The following ELAPOR2 variants were observed in gnomAD, a reference collection of about 807,000 sequenced individuals.
The protein encoded by ELAPOR2 is endosome-lysosome associated apoptosis and autophagy regulator family member 2.
In ELAPOR2, 89 loss-of-function variants were observed where a neutral mutation model predicts 120.7. The ratio of observed to expected loss-of-function variants is 0.74; its 90% CI spans 0.62 to 0.88. The LOEUF (loss-of-function observed/expected upper bound fraction) is 0.88. ELAPOR2 is among the 40% of genes least tolerant of loss of function. ELAPOR2 has a pLI of 0.00. For missense variants in ELAPOR2, 1,134 were observed against 1,251.6 expected, an observed-to-expected ratio of 0.91 and a Z score of 1.42; for synonymous variants, 444 against 444.9, an observed-to-expected ratio of 1.00 and a Z score of 0.03.
At chr7:86,905,850 T>C (rs1788987966) in intron 18 of ELAPOR2, among the ~76,000 whole-genome samples, 1 of 152,186 alleles carries the variant, frequency 6.6e-6, no homozygotes. Context: ...GATAGTTTAC[T>C]TCCCTAAGTG....
chr7:86,974,700 C>T (rs1239219552), intron 1 of ELAPOR2, among the ~76,000 whole-genome samples: 10 of 150,420 alleles, frequency 6.6e-5, no homozygotes, highest in Non-Finnish European at 1.5e-4. Flanking sequence ...TATCTTTATT[C>T]TATATAATTA....
chr7:86,936,381 C>T (rs555017016), intron 8 of ELAPOR2, among the ~76,000 whole-genome samples: 1 of 152,138 alleles, frequency 6.6e-6, no homozygotes, highest in Admixed American at 6.6e-5. Flanking sequence ...CTTTACCCCA[C>T]TAAAATGCCA....
intron 3 of ELAPOR2, among the ~76,000 whole-genome samples, chr7:86,946,668 T>A (rs985954586): frequency 6.6e-6 from 1 of 152,220 alleles, no homozygotes; most frequent in African/African-American, 2.4e-5. Context: ...ATTACAGGCA[T>A]GAGCCACCGC....
intron 6 of ELAPOR2, 41 bp from the exon 7 acceptor site, chr7:86,939,001 A>G: frequency 6.2e-7 from 1 of 1,609,688 alleles, no homozygotes; most frequent in East Asian, 2.2e-5. Flanking sequence ...GGGGGACCCA[A>G]TACCAATAAG....
At chr7:86,884,957 C>T (rs1023872519) in intron 21 of ELAPOR2, among the ~76,000 whole-genome samples, 2 of 152,112 alleles carry the variant, frequency 1.3e-5, no homozygotes, top group Non-Finnish European at 2.9e-5. Flanking sequence ...GAGAGCTTTC[C>T]CTGAGACTGA....
intron 6 of ELAPOR2, among the ~76,000 whole-genome samples, chr7:86,939,579 C>T (rs1048984370): frequency 6.6e-6 from 1 of 152,056 alleles, no homozygotes; most frequent in Non-Finnish European, 1.5e-5. Context: ...ACCCGGTTGG[C>T]TCAGAGAAGC....
intron 1 of ELAPOR2, among the ~76,000 whole-genome samples, chr7:87,052,214 A>G (rs377549927): frequency 6.6e-6 from 1 of 152,198 alleles, no homozygotes; most frequent in East Asian, 1.9e-4. Context: ...TTACAAAAGA[A>G]AGGGATTTAA....
intron 8 of ELAPOR2, among the ~76,000 whole-genome samples, chr7:86,927,188 T>C (rs1790113679): frequency 6.6e-6 from 1 of 151,968 alleles, no homozygotes; most frequent in East Asian, 1.9e-4. Flanking sequence ...AAAATGTAGG[T>C]AACCTGTTTA....
At chr7:87,035,064 C>CA (rs973816631) in intron 1 of ELAPOR2, among the ~76,000 whole-genome samples, 5 of 98,830 alleles carry the variant, frequency 5.1e-5, no homozygotes, top group South Asian at 6.4e-4. Context: ...CCAGCCTGGA[C>CA]AAAAAAGAGT....
At chr7:86,882,628 C>T (rs1161249508) in intron 21 of ELAPOR2, among the ~76,000 whole-genome samples, 1 of 152,096 alleles carries the variant, frequency 6.6e-6, no homozygotes, top group Admixed American at 6.6e-5. Context: ...ATGGCAGGAA[C>T]TCTATATCTC....
At chr7:87,005,990 A>G (rs1793457813) in intron 1 of ELAPOR2, among the ~76,000 whole-genome samples, 1 of 152,200 alleles carries the variant, frequency 6.6e-6, no homozygotes, top group African/African-American at 2.4e-5. Context: ...GGCAAGTCAT[A>G]GACTGGAAGA....
At chr7:86,890,295 C>T (rs2115819448) in intron 21 of ELAPOR2, among the ~76,000 whole-genome samples, 1 of 151,968 alleles carries the variant, frequency 6.6e-6, no homozygotes, top group Admixed American at 6.6e-5. Flanking sequence ...ATATTGTCTC[C>T]TTCCTGAGCA....
At chr7:87,037,145 A>G (rs1794613710) in intron 1 of ELAPOR2, among the ~76,000 whole-genome samples, 2 of 151,762 alleles carry the variant, frequency 1.3e-5, no homozygotes, top group South Asian at 4.2e-4. Flanking sequence ...ACTCTCCTCA[A>G]CACAGTGCTC....
intron 1 of ELAPOR2, among the ~76,000 whole-genome samples, chr7:86,987,290 G>T (rs1792780411): frequency 6.6e-6 from 1 of 152,104 alleles, no homozygotes; most frequent in Non-Finnish European, 1.5e-5. Context: ...GCATGGGAAA[G>T]GACTTCATGA....
rs1230529033 is a variant in ELAPOR2 at position 86,915,853 on chromosome 7, C to T, written c.1594-993G>A. Among the ~76,000 whole-genome samples the T allele has an allele frequency of 2.0e-5, 3 of 151,890 alleles. No individual in the cohort carries two copies. The East Asian group carries it at 5.8e-4, about 29-fold the overall frequency. On this transcript the variant is annotated intron_variant, in intron 12 of 21. Transcript: ENST00000450689. ...GGAATAACAGAAAATGCTCATCATA[C>T]ATTATAGAAATCCTCATGTAACCAA...
intron 1 of ELAPOR2, among the ~76,000 whole-genome samples, chr7:87,002,791 T>G (rs1056577864): frequency 6.6e-6 from 1 of 152,144 alleles, no homozygotes; most frequent in African/African-American, 2.4e-5. Flanking sequence ...TTGGCACATG[T>G]TGGGCTAGAT....
intron 1 of ELAPOR2, among the ~76,000 whole-genome samples, chr7:87,020,781 T>G (rs1794013605): frequency 1.3e-5 from 2 of 152,112 alleles, no homozygotes; most frequent in Admixed American, 6.6e-5. Flanking sequence ...TTTTTAAATT[T>G]AAAATTTAGA....
At position 87,030,871 on chromosome 7, in the gene ELAPOR2, A is replaced by C. The variant is rs559457415; in HGVS notation, c.189+28454T>G. On this transcript the variant is annotated intron_variant, in intron 1 of 21. Transcript: ENST00000450689. ...CCCAAGACTGGGTAATTTATAAAGA[A>C]AAAGAGGTTTAATGGACTCACAGTT... Among the ~76,000 whole-genome samples, 4 of 152,292 alleles carry C rather than the reference A, an allele frequency of 2.6e-5. No homozygotes were observed. In the East Asian group the frequency reaches 7.7e-4, roughly 29 times the overall value.
chr7:86,916,408 T>C (rs1031739899), intron 12 of ELAPOR2, among the ~76,000 whole-genome samples: 2 of 151,960 alleles, frequency 1.3e-5, no homozygotes, highest in African/African-American at 4.8e-5. Flanking sequence ...TGTCAACACA[T>C]AGGGAATGAA....
Sources: allele counts gnomAD v4.1 joint callset (sites outside exome capture counted in the v4.1 genomes callset), GRCh38; gene constraint gnomAD v4.1.1; transcripts MANE v1.5; gene names NCBI Gene and HGNC (gene_info 2026-07-23, HGNC 2026-07-21).